The following FAM120C variants were observed in gnomAD, a reference collection of about 807,000 sequenced individuals.
The protein encoded by FAM120C is constitutive coactivator of PPAR-gamma-like protein 2.
FAM120C carries 14 observed loss-of-function variants against 71.2 expected under a neutral mutation model. The ratio of observed to expected loss-of-function variants is 0.20; its 90% CI spans 0.13 to 0.31. The LOEUF (loss-of-function observed/expected upper bound fraction) is 0.31. FAM120C is among the 10% of genes least tolerant of loss of function. The pLI is 1.00. For missense variants in FAM120C, 500 were observed against 879.0 expected (o/e 0.57, Z 5.45); for synonymous variants, 354 against 353.2 (o/e 1.00, Z -0.03).
In FAM120C at chrX:54,072,159, T is replaced by TCACACACACACACACACA. The variant is rs60802365; in HGVS notation, c.*856_*873dup. 1.4e-5 allele frequency: 1 copy of TCACACACACACACACACA among 71,354 alleles called. No homozygotes were observed. The highest frequency in any genetic ancestry group is 5.3e-5 in the African/African-American group (1 of 18,779). The allele number at this position is 71,354 out of a possible 1,213,427, so 5.9% of individuals were successfully genotyped here. A position where few individuals can be genotyped will look rare whatever the true frequency, so the allele number is the denominator to read the frequency against. ...CCCACACCCACACACAAGCACACAT[T>TCACACACACACACACACA]CACACACACACACACACACACACAC... On this transcript the variant is annotated 3_prime_UTR_variant, in exon 16 of 16. Transcript: ENST00000375180.
intron 11 of FAM120C, among the ~76,000 whole-genome samples, chrX:54,090,344 G>T (rs1557122500): frequency 9.2e-6 from 1 of 108,956 alleles, no homozygotes; most frequent in Non-Finnish European, 1.9e-5. Context: ...CAATTCTCCT[G>T]CCTCAGCCTC....
At chrX:54,144,792 C>T (rs1311453472) in intron 4 of FAM120C, among the ~76,000 whole-genome samples, 2 of 111,876 alleles carry the variant, frequency 1.8e-5, no homozygotes, top group East Asian at 5.6e-4. Flanking sequence ...CAATGACTTT[C>T]TTCACAGAAT....
rs868906835 is a variant in FAM120C, at chrX:54,124,584, C to A, written c.2063-7790G>T. Among the ~76,000 whole-genome samples, 5 of 96,413 alleles carry A rather than the reference C, an allele frequency of 5.2e-5. No homozygotes were observed. The South Asian group carries it at 2.9e-3, about 55-fold the overall frequency. 83.7% of individuals were successfully genotyped at this position (96,413 alleles called of 115,157 possible). On this transcript the variant is annotated intron_variant, in intron 9 of 15. Transcript: ENST00000375180. ...GCCTCGCCCTGCTTCGGCTCGCGCA[C>A]GGTGCGCACACACACTGGCCTGCGC...
At chrX:54,076,907 C>A (rs1603351227) in intron 15 of FAM120C, among the ~76,000 whole-genome samples, 1 of 111,326 alleles carries the variant, frequency 9.0e-6, no homozygotes, top group Non-Finnish European at 1.9e-5. Context: ...GTTTGGCCAA[C>A]ATGGCGAAAC....
At chrX:54,178,473 AC>A (rs1557136926) in intron 1 of FAM120C, among the ~76,000 whole-genome samples, 2 of 111,895 alleles carry the variant, frequency 1.8e-5, no homozygotes, top group African/African-American at 6.5e-5. Context: ...TAAACCTAGA[AC>A]AATAATTTTT....
intron 3 of FAM120C, among the ~76,000 whole-genome samples, chrX:54,157,206 T>A (rs1463316673): frequency 8.9e-6 from 1 of 111,942 alleles, no homozygotes; most frequent in Non-Finnish European, 1.9e-5. Flanking sequence ...CTTTATAGAC[T>A]TGTATGAATT....
Position 54,132,699 on chromosome X carries a change from A to T in FAM120C, c.2055T>A (p.Pro685=), listed in dbSNP as rs2067073985. 8.3e-7 allele frequency: 1 copy of T among 1,201,961 alleles called. No individual in the cohort carries two copies. The highest frequency in any genetic ancestry group is 1.7e-5 in the African/African-American group (1 of 57,542). ...AGCTAGAACTACACTTACCTTCCAC[A>T]GGCAGCCGCCGTCGCATGGCCAAGC... is the stretch of plus-strand genomic sequence containing the variant. The part of the protein sequence containing the change: ...MERLAMRRRL[P]VEVPSVILKE... The change falls in exon 9 of 16, where the codon CCT becomes CCA. Residue 685 remains proline (P), a synonymous_variant. Transcript: ENST00000375180.
At chrX:54,140,801 G>A (rs183830145) in intron 4 of FAM120C, among the ~76,000 whole-genome samples, 63 of 108,101 alleles carry the variant, frequency 5.8e-4, no homozygotes, top group African/African-American at 1.8e-3. Flanking sequence ...TTAGCCAGGC[G>A]TGGTAGCAGG....
chrX:54,154,712 G>A lies in FAM120C; in HGVS notation c.1029+2977C>T, dbSNP rs782809757. ...GAAACATGTTTAGGGAGAAGATCAGGAATTTCCACTTGAACATATAACTTT... is the reference window on the plus strand; with the variant it reads ...GAAACATGTTTAGGGAGAAGATCAGAAATTTCCACTTGAACATATAACTTT... On this transcript the variant is annotated intron_variant, in intron 3 of 15. Transcript: ENST00000375180. 6.3e-5 allele frequency among the ~76,000 whole-genome samples: 7 copies of A among 110,788 alleles called. No homozygotes were observed. The South Asian group carries it at 2.3e-3, about 37-fold the overall frequency.
chrX:54,141,039 T>G (rs1351947825), intron 4 of FAM120C, among the ~76,000 whole-genome samples: 1 of 111,035 alleles, frequency 9.0e-6, no homozygotes, highest in Non-Finnish European at 1.9e-5. Flanking sequence ...CTAAACAGTA[T>G]AAATTCAAAG....
In FAM120C at chrX:54,086,301, C is replaced by A. The variant is rs782374784; in HGVS notation, c.2638-385G>T. On this transcript the variant is annotated intron_variant, in intron 12 of 15. Transcript: ENST00000375180. The stretch of plus-strand genomic sequence containing the variant: ...GAATAAAAATCTGACAAATAAAAAG[C>A]CTTTTAACCTTCTCCCCCATATCCA... Among the ~76,000 whole-genome samples the A allele has an allele frequency of 4.5e-5, 5 of 112,146 alleles. No homozygotes were observed. The South Asian group carries it at 1.8e-3, about 41-fold the overall frequency.
At chrX:54,126,768 T>C (rs907688589) in intron 9 of FAM120C, among the ~76,000 whole-genome samples, 4 of 113,525 alleles carry the variant, frequency 3.5e-5, no homozygotes, top group Non-Finnish European at 7.5e-5. Context: ...TGAACAAGTC[T>C]TACAACAATG....
intron 10 of FAM120C, among the ~76,000 whole-genome samples, chrX:54,091,804 G>A (rs1295292339): frequency 8.9e-6 from 1 of 111,741 alleles, no homozygotes; most frequent in Non-Finnish European, 1.9e-5. Flanking sequence ...GATGTTCCAG[G>A]TTGAGCGAAG....
intron 5 of FAM120C, 139 bp from the exon 6 acceptor site, chrX:54,135,743 T>C (rs2067091321): frequency 2.2e-6 from 1 of 452,055 alleles, no homozygotes; most frequent in Non-Finnish European, 3.8e-6. Flanking sequence ...TGTGCCATGC[T>C]GAGAACCTTA....
At position 54,072,159 on chromosome X, in the gene FAM120C, T is replaced by TCACACACACACACACACACACA. The variant is rs60802365; in HGVS notation, c.*852_*873dup. On this transcript the variant is annotated 3_prime_UTR_variant, in exon 16 of 16. Transcript: ENST00000375180. ...CCCACACCCACACACAAGCACACAT[T>TCACACACACACACACACACACA]CACACACACACACACACACACACAC... 2 of 71,354 alleles carry TCACACACACACACACACACACA rather than the reference T, an allele frequency of 2.8e-5. No homozygotes were observed. The highest frequency in any genetic ancestry group is 1.1e-4 in the African/African-American group (2 of 18,779). The allele number at this position is 71,354 out of a possible 1,213,427, so 5.9% of individuals were successfully genotyped here.
In FAM120C at chrX:54,130,740, G is replaced by A. The variant is rs1332988767; in HGVS notation, c.2062+1952C>T. 2.7e-5 allele frequency among the ~76,000 whole-genome samples: 3 copies of A among 111,362 alleles called. No homozygotes were observed. The East Asian group carries it at 8.4e-4, about 31-fold the overall frequency. On this transcript the variant is annotated intron_variant, in intron 9 of 15. Transcript: ENST00000375180. ...TTTGGCCTTTGCTGGTAGGGGTGGG[G>A]GTAGACCATTGTTTTCCTGTGGTAT...
chrX:54,118,804 G>A (rs375183761), intron 9 of FAM120C, among the ~76,000 whole-genome samples: 63 of 53,214 alleles, frequency 1.2e-3, no homozygotes, highest in Admixed American at 1.6e-3. Flanking sequence ...ATGCTGGTGC[G>A]CTGCACCCAC....
At chrX:54,081,546 C>T (rs959827194) in intron 13 of FAM120C, 86 bp from the exon 14 acceptor site, 31 of 1,021,439 alleles carry the variant, frequency 3.0e-5, no homozygotes, top group Admixed American at 9.1e-5. Flanking sequence ...CTGAGTCGGG[C>T]GGATTACTTG....
intron 1 of FAM120C, among the ~76,000 whole-genome samples, chrX:54,172,350 A>G (rs782166213): frequency 8.9e-6 from 1 of 112,532 alleles, no homozygotes; most frequent in Admixed American, 9.4e-5. Flanking sequence ...CAAGCAAAGT[A>G]TTCAATTGTG....
Sources: allele counts gnomAD v4.1 joint callset (sites outside exome capture counted in the v4.1 genomes callset), GRCh38; gene constraint gnomAD v4.1.1; transcripts MANE v1.5; gene names NCBI Gene and HGNC (gene_info 2026-07-23, HGNC 2026-07-21).